Variants in CYP11A1 observed in about 807,000 individuals in gnomAD.
The protein encoded by CYP11A1 is cytochrome P450 family 11 subfamily A member 1, also known as cholesterol side-chain cleavage enzyme, mitochondrial.
CYP11A1 carries 25 observed loss-of-function variants against 51.9 expected under a neutral mutation model. The observed-to-expected ratio is 0.48, with a 90% CI of 0.35 to 0.67. The LOEUF is 0.67. CYP11A1 is among the 30% of genes least tolerant of loss of function. The probability of loss-of-function intolerance (pLI) is 0.00; values close to 1 mark genes in which losing one functional copy is unlikely to be tolerated. For missense variants in CYP11A1, 578 were observed against 680.9 expected (o/e 0.85, Z 1.68); for synonymous variants, 245 against 262.1 (o/e 0.93, Z 0.63).
intron 3 of CYP11A1, among the ~76,000 whole-genome samples, chr15:74,344,627 G>T (rs1003863420): frequency 1.3e-5 from 2 of 152,166 alleles, no homozygotes; most frequent in African/African-American, 2.4e-5. Context: ...AACTCCTACA[G>T]ATTCCTCAAT....
intron 1 of CYP11A1, among the ~76,000 whole-genome samples, chr15:74,353,516 G>A (rs1219006622): frequency 6.6e-6 from 1 of 152,146 alleles, no homozygotes; most frequent in Non-Finnish European, 1.5e-5. Context: ...TAGTGCTGGA[G>A]TACTTATTGG....
rs1019846112 is a variant in CYP11A1 at position 74,360,342 on chromosome 15, G to A, written c.269+6975C>T. On this transcript the variant is annotated intron_variant, in intron 1 of 8. Transcript: ENST00000268053. Reference sequence around the variant, plus strand: ...GTCCCCCAGGCTGGAGTGCAGTGGCGCAATCTCGGCTCACCCACAATCTCC... The same window carrying A: ...GTCCCCCAGGCTGGAGTGCAGTGGCACAATCTCGGCTCACCCACAATCTCC... Among the ~76,000 whole-genome samples, 5 of 151,826 alleles carry A rather than the reference G, an allele frequency of 3.3e-5. No individual in the cohort carries two copies. In the East Asian group the frequency reaches 7.8e-4, roughly 24 times the overall value.
intron 8 of CYP11A1, 134 bp from the exon 9 acceptor site, chr15:74,338,237 T>A: frequency 9.7e-7 from 1 of 1,033,098 alleles, no homozygotes; most frequent in South Asian, 1.3e-5. Flanking sequence ...CAGCTCCTGG[T>A]GTAACCCTGC....
At chr15:74,339,478 T>C (rs879479808) in intron 6 of CYP11A1, 109 bp downstream of exon 6, 7 of 1,500,400 alleles carry the variant, frequency 4.7e-6, no homozygotes, top group Non-Finnish European at 6.4e-6. Flanking sequence ...TTTCACTTCC[T>C]GCTTCCAACC....
chr15:74,364,479 T>C lies in CYP11A1; in HGVS notation c.269+2838A>G, dbSNP rs2060722613. On this transcript the variant is annotated intron_variant, in intron 1 of 8. Transcript: ENST00000268053. ...CTTCATCCTCTCCATTTACATAAGGTGTATCTGAAGTAACCAATGGAATCC... is the reference window on the plus strand; with the variant it reads ...CTTCATCCTCTCCATTTACATAAGGCGTATCTGAAGTAACCAATGGAATCC... The C allele has an allele frequency of 2.0e-5, 3 of 152,214 alleles. No homozygotes were observed. The South Asian group carries it at 6.2e-4, about 31-fold the overall frequency. 9.4% of individuals were successfully genotyped at this position (152,214 alleles called of 1,614,324 possible).
rs980534155 is a variant in CYP11A1 at position 74,343,251 on chromosome 15, T to C, written c.830-114A>G. The C allele has an allele frequency of 3.3e-5, 35 of 1,073,244 alleles. No homozygotes were observed. The Middle Eastern group carries it at 1.1e-3, about 35-fold the overall frequency. 66.5% of individuals were successfully genotyped at this position (1,073,244 alleles called of 1,614,324 possible). A position where few individuals can be genotyped will look rare whatever the true frequency, so the allele number is the denominator to read the frequency against. ...GCCTGGGGATTCCGGAGCCCTGTGC[T>C]TCTTAGGCTGCCGTTTTACTGAGCA... is the stretch of plus-strand genomic sequence containing the variant. On this transcript the variant is annotated intron_variant, in intron 4 of 8. Transcript: ENST00000268053.
chr15:74,357,570 C>A (rs186688669), intron 1 of CYP11A1, among the ~76,000 whole-genome samples: 2 of 152,318 alleles, frequency 1.3e-5, no homozygotes, highest in East Asian at 1.9e-4. Context: ...ATCCTAAATT[C>A]TTTCGCCACT....
At chr15:74,338,978 T>C (rs532527660) in intron 7 of CYP11A1, among the ~76,000 whole-genome samples, 1 of 152,324 alleles carries the variant, frequency 6.6e-6, no homozygotes, top group South Asian at 2.1e-4. Flanking sequence ...TGGGGATGGC[T>C]GAAGACCCAA....
At chr15:74,341,114 C>G (rs1432421123) in intron 5 of CYP11A1, among the ~76,000 whole-genome samples, 1 of 152,184 alleles carries the variant, frequency 6.6e-6, no homozygotes, top group Non-Finnish European at 1.5e-5. Flanking sequence ...TTTAACCTCT[C>G]TGTGCTCTAC....
chr15:74,346,800 CTTT>C (rs1046360822), intron 2 of CYP11A1, among the ~76,000 whole-genome samples: 25 of 131,720 alleles, frequency 1.9e-4, no homozygotes, highest in African/African-American at 5.7e-4. Context: ...CTTTTCTTTT[CTTT>C]TTTTTTTTTT....
rs776068433 is a variant in CYP11A1, at chr15:74,345,053, C to A, written c.616G>T (p.Ala206Ser). 8.1e-6 allele frequency: 13 copies of A among 1,614,018 alleles called. No homozygotes were observed. The highest frequency in any genetic ancestry group is 1.1e-5 in the Non-Finnish European group (13 of 1,179,914). Residue 206 changes from alanine to serine, a missense_variant, in exon 3 of 9, where the codon GCC becomes TCC. Transcript: ENST00000268053. The surrounding 1 kb of genome is among the most constrained non-coding windows in gnomAD (Gnocchi z 4.3). The part of the protein sequence containing the change: ...GDISDDLFRF[A>S]FESITNVIFG... Reference sequence around the variant, plus strand: ...GTGCAAGCCCCCTTACACTCAAAGGCAAAGCGGAACAGGTCATCACTGATG... The same window carrying A: ...GTGCAAGCCCCCTTACACTCAAAGGAAAAGCGGAACAGGTCATCACTGATG...
At chr15:74,355,039 GTCTCTACCC>G (rs1029786122) in intron 1 of CYP11A1, among the ~76,000 whole-genome samples, 1 of 151,908 alleles carries the variant, frequency 6.6e-6, no homozygotes, top group African/African-American at 2.4e-5. Context: ...TTCTCTCCGT[GTCTCTACCC>G]TCCCTTTTCT....
rs775102947 is a variant in CYP11A1 at position 74,338,654 on chromosome 15, G to A, written c.1351C>T (p.Arg451Trp). Residue 451 changes from arginine to tryptophan, a missense_variant, in exon 8 of 9, where the codon CGG becomes TGG. Coordinates refer to ENST00000268053, the MANE Select transcript of CYP11A1 (RefSeq NM_000781.3). Reference sequence around the variant, plus strand: ...ACACCCCAGCCAAAGCCCAAGTTCCGGAAGTAGGTGATGTTCTTGTCTTTG... The same window carrying A: ...ACACCCCAGCCAAAGCCCAAGTTCCAGAAGTAGGTGATGTTCTTGTCTTTG... ...LSKDKNITYF[R>W]NLGFGWGVRQ... 7.4e-6 allele frequency: 12 copies of A among 1,614,166 alleles called. No homozygotes were observed. Among genetic ancestry groups the A allele is most frequent in the South Asian group, 2.2e-5 (2 of 91,082 alleles).
At chr15:74,340,288 G>A (rs897848321) in intron 5 of CYP11A1, among the ~76,000 whole-genome samples, 3 of 152,236 alleles carry the variant, frequency 2.0e-5, no homozygotes, top group Admixed American at 6.5e-5. Flanking sequence ...GTTGCAATTA[G>A]GGTGTGGTGT....
chr15:74,341,949 T>G (rs2060608953), intron 5 of CYP11A1, among the ~76,000 whole-genome samples: 1 of 152,186 alleles, frequency 6.6e-6, no homozygotes, highest in Non-Finnish European at 1.5e-5. Flanking sequence ...CACCTTGACC[T>G]TGAACTTCCA....
intron 1 of CYP11A1, chr15:74,361,386 G>A (rs1299111827): frequency 3.7e-6 from 1 of 268,696 alleles, no homozygotes; most frequent in Non-Finnish European, 7.2e-6. Context: ...AAATTTTCTT[G>A]TATAAAGCTA....
At chr15:74,359,287 C>A (rs1449602634) in intron 1 of CYP11A1, among the ~76,000 whole-genome samples, 1 of 152,156 alleles carries the variant, frequency 6.6e-6, no homozygotes, top group Non-Finnish European at 1.5e-5. Context: ...CCCTGAGAAA[C>A]ATTGCCCATT....
At chr15:74,360,002 G>A (rs918656031) in intron 1 of CYP11A1, among the ~76,000 whole-genome samples, 3 of 152,204 alleles carry the variant, frequency 2.0e-5, no homozygotes, top group Admixed American at 6.5e-5. Flanking sequence ...TTTAGTTCAT[G>A]TGACTTTAGC....
intron 1 of CYP11A1, chr15:74,365,929 G>C: frequency 1.0e-6 from 1 of 984,262 alleles, no homozygotes; most frequent in Non-Finnish European, 1.2e-6. Flanking sequence ...CAAAGCGCAC[G>C]GAGTCCGTGT....
Sources: gnomAD v4.1 joint callset for allele counts (sites outside exome capture counted in the v4.1 genomes callset) on GRCh38, gnomAD v4.1.1 for gene constraint, Gnocchi (gnomAD v3.1) non-coding constraint, MANE v1.5 for transcripts, NCBI Gene and HGNC (gene_info 2026-07-23, HGNC 2026-07-21) for gene names.